SGMS1: variants seen among roughly 807,000 people sequenced by gnomAD.
SGMS1 encodes the protein sphingomyelin synthase 1.
In SGMS1, 13 loss-of-function variants were observed where a neutral mutation model predicts 46.2. The observed-to-expected ratio is 0.28, with a 90% CI of 0.18 to 0.45. The LOEUF (loss-of-function observed/expected upper bound fraction) is 0.45, where lower values mean the gene tolerates loss of function less well. Among genes scored for constraint, SGMS1 ranks in the 20% least tolerant of loss-of-function variants. The pLI, the probability that SGMS1 is intolerant of heterozygous loss-of-function variation, is 1.00. For missense variants in SGMS1, 324 were observed against 519.9 expected, an observed-to-expected ratio of 0.62 and a Z score of 3.66; for synonymous variants, 203 against 187.8, an observed-to-expected ratio of 1.08 and a Z score of -0.66.
intron 1 of SGMS1, among the ~76,000 whole-genome samples, chr10:50,616,748 T>C (rs1009915869): frequency 7.2e-5 from 11 of 152,236 alleles, no homozygotes; most frequent in Admixed American, 4.6e-4. Flanking sequence ...CAAATTATCC[T>C]CAAAGCAACC....
chr10:50,341,475 A>T (rs1224629224), intron 7 of SGMS1: 1 of 455,884 alleles, frequency 2.2e-6, no homozygotes, highest in South Asian at 1.5e-5. Flanking sequence ...ACTTAGTTGG[A>T]TGCATTCTGG....
At chr10:50,448,586 A>G (rs1473818633) in intron 5 of SGMS1, among the ~76,000 whole-genome samples, 1 of 151,922 alleles carries the variant, frequency 6.6e-6, no homozygotes, top group Non-Finnish European at 1.5e-5. Flanking sequence ...CTCTACTAAA[A>G]ATATAAAATT....
chr10:50,591,971 C>G (rs974394155), intron 1 of SGMS1, among the ~76,000 whole-genome samples: 57 of 152,316 alleles, frequency 3.7e-4, no homozygotes, highest in African/African-American at 1.3e-3. Context: ...TCTGGAACCC[C>G]GTGCACCTGG....
intron 6 of SGMS1, among the ~76,000 whole-genome samples, chr10:50,408,455 A>AT (rs1564905028): frequency 5.6e-5 from 8 of 143,744 alleles, no homozygotes; most frequent in South Asian, 2.2e-4. Flanking sequence ...AAAAAAAAAA[A>AT]CAAAATAAAA....
chr10:50,309,465 A>G (rs1490191781), intron 9 of SGMS1, among the ~76,000 whole-genome samples: 3 of 152,186 alleles, frequency 2.0e-5, no homozygotes, highest in Admixed American at 6.5e-5. Context: ...CTGCCTCTCA[A>G]TATGACACAT....
chr10:50,407,279 C>T (rs766123594), intron 6 of SGMS1, among the ~76,000 whole-genome samples: 3 of 152,104 alleles, frequency 2.0e-5, no homozygotes, highest in Non-Finnish European at 4.4e-5. Flanking sequence ...GTGGTTAATC[C>T]TCAAAAGTCC....
At chr10:50,526,779 C>A (rs1210655052) in intron 2 of SGMS1, among the ~76,000 whole-genome samples, 1 of 151,982 alleles carries the variant, frequency 6.6e-6, no homozygotes, top group Admixed American at 6.6e-5. Flanking sequence ...TGAAAAAGAA[C>A]TGGCTGGCCG....
rs978639389 is a variant in SGMS1 at position 50,538,335 on chromosome 10, G to A, written c.-588-18414C>T. On this transcript the variant is annotated intron_variant, in intron 2 of 10. Coordinates refer to ENST00000361781, the MANE Select transcript of SGMS1 (RefSeq NM_147156.4). ...TAGCCGGGCGTGGTGGTGGGTGCCT[G>A]TAGTCCCAGCTACTCAGGAGGCTGA... Among the ~76,000 whole-genome samples the A allele has an allele frequency of 3.3e-5, 5 of 151,912 alleles. No homozygotes were observed. In the South Asian group the frequency reaches 6.2e-4, roughly 19 times the overall value.
At chr10:50,624,803 G>A, upstream of SGMS1, 1 of 986,424 alleles carries the variant, frequency 1.0e-6, no homozygotes. Context: ...GATGCCCGCC[G>A]TCCCTGGCCG....
At chr10:50,362,321 C>A (rs145848976) in intron 6 of SGMS1, among the ~76,000 whole-genome samples, 4 of 152,204 alleles carry the variant, frequency 2.6e-5, no homozygotes, top group African/African-American at 9.6e-5. Flanking sequence ...ACACTTATAT[C>A]CCACAGGGAT....
intron 5 of SGMS1, among the ~76,000 whole-genome samples, chr10:50,436,074 G>T (rs1404593933): frequency 6.6e-6 from 1 of 152,120 alleles, no homozygotes; most frequent in Non-Finnish European, 1.5e-5. Context: ...GCACCACTGT[G>T]GTTATTCAAA....
intron 6 of SGMS1, among the ~76,000 whole-genome samples, chr10:50,424,043 T>C (rs1849291459): frequency 6.6e-6 from 1 of 152,236 alleles, no homozygotes. Context: ...AAGAATGCTA[T>C]ATATGTCCAA....
At chr10:50,325,116 T>C (rs1847509993) in intron 8 of SGMS1, among the ~76,000 whole-genome samples, 1 of 152,226 alleles carries the variant, frequency 6.6e-6, no homozygotes, top group Admixed American at 6.5e-5. Context: ...TACTAAAGTA[T>C]GTGGAGGTGA....
chr10:50,342,553 C>T (rs1057318222), intron 7 of SGMS1: 4 of 152,152 alleles, frequency 2.6e-5, no homozygotes, highest in African/African-American at 9.7e-5. Flanking sequence ...TGTCAAAGAA[C>T]ATTCAGCATG....
upstream of SGMS1, among the ~76,000 whole-genome samples, chr10:50,624,344 AACT>A (rs1440401026): frequency 1.3e-5 from 2 of 152,056 alleles, no homozygotes; most frequent in African/African-American, 4.8e-5. Context: ...CGAGTTTGCG[AACT>A]ACTACTGGAT....
intron 3 of SGMS1, among the ~76,000 whole-genome samples, chr10:50,511,044 C>T (rs1385937508): frequency 6.6e-6 from 1 of 152,026 alleles, no homozygotes; most frequent in Admixed American, 6.6e-5. Flanking sequence ...ATTAAAAAGC[C>T]AATTGTCTAT....
At chr10:50,515,042 G>A (rs566838977) in intron 3 of SGMS1, among the ~76,000 whole-genome samples, 1 of 152,338 alleles carries the variant, frequency 6.6e-6, no homozygotes, top group South Asian at 2.1e-4. Context: ...AGAGGAAGGT[G>A]ATTAAAATAA....
intron 2 of SGMS1, among the ~76,000 whole-genome samples, chr10:50,575,827 T>A (rs922539373): frequency 1.3e-5 from 2 of 152,086 alleles, no homozygotes; most frequent in Non-Finnish European, 2.9e-5. Flanking sequence ...CATAAATACA[T>A]TTCCAATACC....
upstream of SGMS1, chr10:50,624,064 G>C (rs1161594464): frequency 8.1e-6 from 8 of 985,292 alleles, no homozygotes; most frequent in Non-Finnish European, 9.6e-6. Context: ...GCCGGGCGGG[G>C]TCCGCGGGGG....
Sources: gnomAD v4.1 joint callset for allele counts (sites outside exome capture counted in the v4.1 genomes callset) on GRCh38, gnomAD v4.1.1 for gene constraint, MANE v1.5 for transcripts, NCBI Gene and HGNC (gene_info 2026-07-23, HGNC 2026-07-21) for gene names.